The following VEZT variants were observed in gnomAD, a reference collection of about 807,000 sequenced individuals.
VEZT encodes the protein vezatin.
In VEZT, 39 loss-of-function variants were observed where a neutral mutation model predicts 79.9. The ratio of observed to expected loss-of-function variants is 0.49; its 90% CI spans 0.38 to 0.64. VEZT has a LOEUF of 0.64. Among genes scored for constraint, VEZT ranks in the 30% least tolerant of loss-of-function variants. The pLI is 0.00. For missense variants in VEZT, 837 were observed against 893.1 expected (o/e 0.94, Z 0.80); for synonymous variants, 325 against 327.6 (o/e 0.99, Z 0.09).
chr12:95,252,297 T>C (rs2062729958), intron 2 of VEZT: 1 of 360,560 alleles, frequency 2.8e-6, no homozygotes, highest in African/African-American at 2.1e-5. Context: ...AGAATTAAAA[T>C]ACATTACTTA....
intron 9 of VEZT, 83 bp downstream of exon 9, chr12:95,287,940 G>A: frequency 8.2e-7 from 1 of 1,221,758 alleles, no homozygotes. Context: ...TAGACTTCTT[G>A]TCTTTATGAT....
chr12:95,282,897 G>A (rs2069557820), intron 8 of VEZT, among the ~76,000 whole-genome samples: 1 of 152,274 alleles, frequency 6.6e-6, no homozygotes, highest in Middle Eastern at 3.4e-3. Context: ...TAGGCTAAAA[G>A]CAGGTGTTGT....
At chr12:95,268,598 G>A (rs1353396996) in intron 5 of VEZT, among the ~76,000 whole-genome samples, 1 of 152,162 alleles carries the variant, frequency 6.6e-6, no homozygotes, top group Non-Finnish European at 1.5e-5. Flanking sequence ...GTGTATAGAG[G>A]ATTCTGTGCC....
At chr12:95,295,995 C>A in intron 10 of VEZT, 56 bp from the exon 11 acceptor site, 2 of 1,245,712 alleles carry the variant, frequency 1.6e-6, no homozygotes, top group Non-Finnish European at 2.2e-6. Context: ...TAAATGAATG[C>A]TTACTAGAGA....
chr12:95,259,573 A>T (rs551070767), intron 3 of VEZT, among the ~76,000 whole-genome samples: 1 of 152,350 alleles, frequency 6.6e-6, no homozygotes, highest in South Asian at 2.1e-4. Flanking sequence ...TGGAGCAAGG[A>T]TATAAAGCTA....
intron 5 of VEZT, among the ~76,000 whole-genome samples, chr12:95,268,492 CG>C (rs1408573868): frequency 6.6e-6 from 1 of 151,940 alleles, no homozygotes; most frequent in Non-Finnish European, 1.5e-5. Flanking sequence ...AGCGAGACTC[CG>C]TTTCAAAAAC....
At chr12:95,285,982 CTTTTTTTTTTTTTTT>C (rs869030351) in intron 8 of VEZT, among the ~76,000 whole-genome samples, 1 of 85,832 alleles carries the variant, frequency 1.2e-5, no homozygotes, top group African/African-American at 4.1e-5. Context: ...CCGACCCCTT[CTTTTTTTTTTTTTTT>C]TTTTTTTTTT....
rs7295441 is a variant in VEZT, at chr12:95,295,960, A to C, written c.1624-91A>C. On this transcript the variant is annotated intron_variant, in intron 10 of 11. Transcript: ENST00000436874. ...TGCCAAATGCAAGTCCTTTTTTTTT[A>C]ATCTCAGAGATAAGTAAGTGCAAGT... is the stretch of plus-strand genomic sequence containing the variant. The C allele has an allele frequency of 9.0e-3, 8,755 of 973,486 alleles. 529 individuals are homozygous for C. In the African/African-American group the frequency reaches 0.13, roughly 14 times the overall value. 60.3% of individuals were successfully genotyped at this position (973,486 alleles called of 1,614,324 possible). A position where few individuals can be genotyped will look rare whatever the true frequency, so the allele number is the denominator to read the frequency against.
Position 95,266,376 on chromosome 12 carries a change from G to A in VEZT, c.454G>A (p.Ala152Thr). ...TCCCAGGGATCTCTCAATGCTATTT[G>A]CCTTCATTAGCTTGCTCGTTATGCT... ...PNIWDLSMLF[A>T]FISLLVMLPT... The change falls in exon 5 of 12, where the codon GCC (alanine) becomes ACC (threonine). Residue 152 changes from alanine to threonine, a missense_variant. Transcript: ENST00000436874. 1 of 1,612,906 alleles carries A rather than the reference G, an allele frequency of 6.2e-7. No individual in the cohort carries two copies.
At chr12:95,224,928 C>G (rs1208605766) in intron 1 of VEZT, among the ~76,000 whole-genome samples, 1 of 152,182 alleles carries the variant, frequency 6.6e-6, no homozygotes, top group Non-Finnish European at 1.5e-5. Flanking sequence ...CTAGATCTCT[C>G]ACATGCACAT....
chr12:95,282,459 A>G lies in VEZT; in HGVS notation c.1143A>G (p.Leu381=). 1 of 1,613,862 alleles carries G rather than the reference A, an allele frequency of 6.2e-7. No individual in the cohort carries two copies. The highest frequency in any genetic ancestry group is 1.1e-5 in the South Asian group (1 of 91,080). ...TCTTATCTGATGTGACTCAAGGTCT[A>G]CCTCATGCTCATTCTGCCTGTTTGG... ...HRILSDVTQG[L]PHAHSACLEE... is the part of the protein sequence containing the mutation. Residue 381 remains leucine (L), a synonymous_variant, in exon 8 of 12, where the codon CTA becomes CTG. Coordinates refer to ENST00000436874, the MANE Select transcript of VEZT (RefSeq NM_017599.4).
In VEZT at chr12:95,282,383, C is replaced by G; in HGVS notation, c.1067C>G (p.Ala356Gly). The G allele has an allele frequency of 6.2e-7, 1 of 1,613,888 alleles. No homozygotes were observed. The highest frequency in any genetic ancestry group is 8.5e-7 in the Non-Finnish European group (1 of 1,179,874). The change falls in exon 8 of 12, where the codon GCC becomes GGC. Residue 356 changes from alanine (A) to glycine (G), a missense_variant. Ala to Gly is a moderately conservative substitution (Grantham distance 60, BLOSUM62 0). Transcript: ENST00000436874. Reference protein sequence around the residue: ...FRRLALLLSTANSPPGPLLTP... With the variant: ...FRRLALLLSTGNSPPGPLLTP... ...CGGTTAGCCCTATTACTTTCTACAG[C>G]CAATTCACCTCCTGGGCCCTTACTT...
intron 9 of VEZT, among the ~76,000 whole-genome samples, chr12:95,288,607 T>A (rs1438282570): frequency 6.6e-6 from 1 of 152,216 alleles, no homozygotes; most frequent in Non-Finnish European, 1.5e-5. Context: ...CATCCTGTTA[T>A]TTTTGTGTTT....
chr12:95,288,005 T>A, intron 9 of VEZT, 148 bp downstream of exon 9: 1 of 584,140 alleles, frequency 1.7e-6, no homozygotes, highest in Non-Finnish European at 2.7e-6. Flanking sequence ...AATTTATATG[T>A]ACAAAGTGAC....
chr12:95,300,150 T>C lies in VEZT; in HGVS notation c.1832-15T>C. The C allele has an allele frequency of 7.3e-7, 1 of 1,373,376 alleles. No individual in the cohort carries two copies. 85.1% of individuals were successfully genotyped at this position (1,373,376 alleles called of 1,614,324 possible). On this transcript the variant is annotated splice_polypyrimidine_tract_variant and intron_variant, in intron 11 of 11. Transcript: ENST00000436874. The stretch of plus-strand genomic sequence containing the variant: ...TTAGTTATTTTTTTTCTTTTTTCTT[T>C]TTTTTTATTTGAAGCCGTGTTGAAA...
chr12:95,229,288 C>T (rs2058920708), intron 1 of VEZT, among the ~76,000 whole-genome samples: 1 of 152,170 alleles, frequency 6.6e-6, no homozygotes, highest in Admixed American at 6.5e-5. Flanking sequence ...GTCCATTTGT[C>T]TCAAGCTATG....
intron 8 of VEZT, among the ~76,000 whole-genome samples, chr12:95,284,077 T>A (rs2069901420): frequency 6.6e-6 from 1 of 152,154 alleles, no homozygotes; most frequent in Admixed American, 6.5e-5. Flanking sequence ...AAGGTAGACA[T>A]GAACACAAAA....
At chr12:95,261,214 A>T (rs1359955373) in intron 3 of VEZT, among the ~76,000 whole-genome samples, 1 of 152,172 alleles carries the variant, frequency 6.6e-6, no homozygotes, top group Non-Finnish European at 1.5e-5. Flanking sequence ...TGAAGTCCTC[A>T]TTATGATCAG....
intron 11 of VEZT, chr12:95,299,638 ATAT>A (rs1387949293): frequency 2.0e-5 from 3 of 152,120 alleles, no homozygotes; most frequent in African/African-American, 7.2e-5. Flanking sequence ...CATATGGAAG[ATAT>A]TATTATTATC....
Sources: gnomAD v4.1 joint callset for allele counts (sites outside exome capture counted in the v4.1 genomes callset) on GRCh38, gnomAD v4.1.1 for gene constraint, MANE v1.5 for transcripts, NCBI Gene and HGNC (gene_info 2026-07-23, HGNC 2026-07-21) for gene names.